LRBA: variants seen among roughly 807,000 people sequenced by gnomAD.
LRBA encodes the protein LPS responsive beige-like anchor protein.
In LRBA, 176 loss-of-function variants were observed where a neutral mutation model predicts 330.0. That is an observed-to-expected ratio of 0.53 (90% CI 0.47 to 0.60). The LOEUF is 0.60. Ranked by LOEUF, LRBA falls within the 20% of genes least tolerant of loss-of-function variation. LRBA has a pLI of 0.00. For missense variants in LRBA, 3,259 were observed against 3,444.8 expected, an observed-to-expected ratio of 0.95 and a Z score of 1.35; for synonymous variants, 1,230 against 1,193.0, an observed-to-expected ratio of 1.03 and a Z score of -0.64.
At chr4:150,642,203 T>C (rs1365387632) in intron 37 of LRBA, among the ~76,000 whole-genome samples, 1 of 151,988 alleles carries the variant, frequency 6.6e-6, no homozygotes. Flanking sequence ...CATTCATATG[T>C]AAATTCTGCA....
rs527986662 is a variant in LRBA, at chr4:150,521,858, T to A, written c.6331-30823A>T. 4.1e-4 allele frequency among the ~76,000 whole-genome samples: 62 copies of A among 152,320 alleles called. No homozygotes were observed. The South Asian group carries it at 0.012, about 30-fold the overall frequency. On this transcript the variant is annotated intron_variant, in intron 40 of 56. Transcript: ENST00000651943. ...ATCAATCTCAATTAGGTTAAATTTG[T>A]TGATAGTGTTCATGAATTCTACATA...
chr4:150,299,073 G>A (rs1420154323), intron 53 of LRBA, among the ~76,000 whole-genome samples: 1 of 151,854 alleles, frequency 6.6e-6, no homozygotes, highest in Non-Finnish European at 1.5e-5. Flanking sequence ...AATGCACTGG[G>A]GAACATTTTC....
intron 2 of LRBA, among the ~76,000 whole-genome samples, chr4:150,940,826 C>T (rs1162672807): frequency 6.6e-6 from 1 of 151,830 alleles, no homozygotes; most frequent in East Asian, 1.9e-4. Flanking sequence ...TCTCTCTTTC[C>T]TACATAATCT....
chr4:150,423,369 T>G (rs10006771), intron 46 of LRBA: 452,103 of 652,266 alleles, frequency 0.69, 162,405 homozygotes, highest in Non-Finnish European at 0.75. Flanking sequence ...TCTGCCCACT[T>G]GCTCCCGGGC....
At chr4:150,812,449 C>T (rs1743878974) in intron 31 of LRBA, among the ~76,000 whole-genome samples, 1 of 152,104 alleles carries the variant, frequency 6.6e-6, no homozygotes, top group Non-Finnish European at 1.5e-5. Context: ...AACTAATGTC[C>T]CTTGCAATAA....
chr4:150,902,680 G>C (rs532203183), intron 13 of LRBA, among the ~76,000 whole-genome samples: 5 of 152,292 alleles, frequency 3.3e-5, no homozygotes, highest in Non-Finnish European at 2.9e-5. Flanking sequence ...AGTGTGGAGT[G>C]TACTTTCATT....
intron 43 of LRBA, among the ~76,000 whole-genome samples, chr4:150,470,178 C>T (rs534895988): frequency 3.3e-5 from 5 of 152,110 alleles, no homozygotes; most frequent in African/African-American, 4.8e-5. Context: ...AGAGCAACTC[C>T]GTCTCAAAAA....
chr4:150,599,689 T>C (rs1773911855), intron 37 of LRBA, among the ~76,000 whole-genome samples: 1 of 152,216 alleles, frequency 6.6e-6, no homozygotes, highest in Non-Finnish European at 1.5e-5. Context: ...ATGTATGTGA[T>C]AATAAAATAT....
At chr4:150,369,475 C>T (rs1739943259) in intron 47 of LRBA, among the ~76,000 whole-genome samples, 1 of 151,918 alleles carries the variant, frequency 6.6e-6, no homozygotes, top group African/African-American at 2.4e-5. Context: ...TGTGGTGGCT[C>T]TAATGGTTCA....
At chr4:150,286,151 C>T (rs1472603952) in intron 53 of LRBA, 117 bp from the exon 54 acceptor site, 11 of 734,984 alleles carry the variant, frequency 1.5e-5, no homozygotes, top group Non-Finnish European at 4.5e-6. Flanking sequence ...GGGAATTTGT[C>T]CAGCAATCCT....
At chr4:150,350,338 G>A (rs543061239) in intron 47 of LRBA, among the ~76,000 whole-genome samples, 179 bp from the exon 48 acceptor site, 6 of 152,340 alleles carry the variant, frequency 3.9e-5, no homozygotes, top group South Asian at 2.1e-4. Context: ...CTGGGAGGCC[G>A]AGGTGGGCAG....
chr4:150,424,010 T>G (rs1394536990), intron 46 of LRBA, among the ~76,000 whole-genome samples: 1 of 152,218 alleles, frequency 6.6e-6, no homozygotes, highest in Non-Finnish European at 1.5e-5. Context: ...TACATTGTAT[T>G]TCGCTAACAC....
At chr4:150,905,124 A>G (rs1007786548) in intron 13 of LRBA, among the ~76,000 whole-genome samples, 5 of 152,172 alleles carry the variant, frequency 3.3e-5, no homozygotes, top group Admixed American at 1.3e-4. Context: ...TTTATTAAAG[A>G]TTTTGTTCAT....
At chr4:150,443,874 T>TATATATATATATA (rs1561185911) in intron 44 of LRBA, among the ~76,000 whole-genome samples, 3 of 28,044 alleles carry the variant, frequency 1.1e-4, no homozygotes, top group Non-Finnish European at 1.6e-4. Flanking sequence ...ATATATATAT[T>TATATATATATATA]TTTTTTTTTT....
At position 150,387,478 on chromosome 4, in the gene LRBA, T is replaced by G. The variant is rs77792640; in HGVS notation, c.7194+27960A>C. 4.5e-4 allele frequency among the ~76,000 whole-genome samples: 69 copies of G among 152,322 alleles called. No homozygotes were observed. In the East Asian group the frequency reaches 0.011, roughly 24 times the overall value. ...TTGATAAACTGCAATTTGTAATTGA[T>G]TAAATAAACCCTGTTGGCCTAAGAG... On this transcript the variant is annotated intron_variant, in intron 47 of 56. Transcript: ENST00000651943.
At chr4:150,582,696 T>A (rs1458818279) in intron 40 of LRBA, 1 of 232,978 alleles carries the variant, frequency 4.3e-6, no homozygotes, top group East Asian at 8.7e-5. Flanking sequence ...TCCTTCTCCT[T>A]CCTCACGCCC....
rs767637489 is a variant in LRBA at position 150,916,622 on chromosome 4, C to T, written c.762G>A (p.Leu254=). 6.3e-7 allele frequency: 1 copy of T among 1,595,818 alleles called. No individual in the cohort carries two copies. The highest frequency in any genetic ancestry group is 8.5e-7 in the Non-Finnish European group (1 of 1,171,920). Reference sequence around the variant, plus strand: ...TCAGTTACAGAAATACATACCAATACAAATATGGTTTATCCTTATCTACAT... The same window carrying T: ...TCAGTTACAGAAATACATACCAATATAAATATGGTTTATCCTTATCTACAT... ...NINVDKDKPY[L]YCFRTSKGLG... The change falls in exon 6 of 57, where the codon TTG becomes TTA. Residue 254 remains leucine, a synonymous_variant. Transcript: ENST00000651943.
rs566594047 is a variant in LRBA at position 150,661,407 on chromosome 4, T to C, written c.5921+22144A>G. 1.6e-3 allele frequency among the ~76,000 whole-genome samples: 241 copies of C among 147,906 alleles called. 1 individual carries two copies. Among genetic ancestry groups the C allele is most frequent in the Admixed American group, 3.6e-3 (54 of 14,928 alleles). ...AGCTGGGAAAGCCAGGAGGCGGAGG[T>C]TGCTGTGAGCCGAGATCGTGCCACT... On this transcript the variant is annotated intron_variant, in intron 37 of 56. Coordinates refer to ENST00000651943, the MANE Select transcript of LRBA (RefSeq NM_001364905.1).
intron 36 of LRBA, among the ~76,000 whole-genome samples, chr4:150,698,178 G>C (rs1784806478): frequency 6.6e-6 from 1 of 152,074 alleles, no homozygotes; most frequent in African/African-American, 2.4e-5. Flanking sequence ...CATGAGAAAA[G>C]TCTAAATTAT....
Sources: gnomAD v4.1 joint callset for allele counts (sites outside exome capture counted in the v4.1 genomes callset) on GRCh38, gnomAD v4.1.1 for gene constraint, MANE v1.5 for transcripts, NCBI Gene and HGNC (gene_info 2026-07-23, HGNC 2026-07-21) for gene names.